The following SYT7 variants were observed in gnomAD, a reference collection of about 807,000 sequenced individuals.
SYT7 encodes synaptotagmin 7, also known as synaptotagmin-7.
SYT7 carries 29 observed loss-of-function variants against 75.1 expected under a neutral mutation model. The ratio of observed to expected loss-of-function variants is 0.39; its 90% CI spans 0.29 to 0.53. The LOEUF (loss-of-function observed/expected upper bound fraction) is 0.53, where lower values mean the gene tolerates loss of function less well. Ranked by LOEUF, SYT7 falls within the 20% of genes least tolerant of loss-of-function variation. SYT7 has a pLI of 0.77. For synonymous variants in SYT7, 376 were observed against 401.7 expected (o/e 0.94, Z 0.76); for missense variants, 693 against 953.2 (o/e 0.73, Z 3.59).
chr11:61,541,841 G>A (rs1049863251), intron 6 of SYT7, among the ~76,000 whole-genome samples: 3 of 152,160 alleles, frequency 2.0e-5, no homozygotes, highest in Admixed American at 1.3e-4. Context: ...GGAGCAGAAG[G>A]GGGAGGAGAG....
At chr11:61,520,169 TG>T (rs1422415599) in intron 12 of SYT7, among the ~76,000 whole-genome samples, 1 of 150,538 alleles carries the variant, frequency 6.6e-6, no homozygotes, top group Non-Finnish European at 1.5e-5. Context: ...GGATTAAAGG[TG>T]TGAGCCACCA....
rs762663618 is a variant in SYT7, at chr11:61,546,138, T to C, written c.465A>G (p.Arg155=). Reference sequence around the variant, plus strand: ...GCTCGCTGGGGGCAGCCCCGCCGCTTCTCAAGGCGTCCTCTCCGGGTGGCG... The same window carrying C: ...GCTCGCTGGGGGCAGCCCCGCCGCTCCTCAAGGCGTCCTCTCCGGGTGGCG... ...PVPPPGEDAL[R]SGGAAPSEPG... The change falls in exon 5 of 13, where the codon AGA becomes AGG. Residue 155 remains arginine, a synonymous_variant. Coordinates refer to ENST00000539008, the MANE Select transcript of SYT7 (RefSeq NM_001365809.2). This position sits in a 1 kb window ranked among gnomAD's most constrained non-coding sequence, Gnocchi z 7.6. 16 of 1,529,094 alleles carry C rather than the reference T, an allele frequency of 1.0e-5. No individual in the cohort carries two copies. Among genetic ancestry groups the C allele is most frequent in the African/African-American group, 1.4e-5 (1 of 72,004 alleles). 94.7% of individuals were successfully genotyped at this position (1,529,094 alleles called of 1,614,324 possible).
chr11:61,563,728 A>G (rs1377200893), intron 1 of SYT7, among the ~76,000 whole-genome samples: 3 of 152,076 alleles, frequency 2.0e-5, no homozygotes, highest in Non-Finnish European at 2.9e-5. Context: ...TTCCTTCTCT[A>G]TCTTCAAGGC....
chr11:61,541,856 C>T (rs567402514), intron 6 of SYT7, among the ~76,000 whole-genome samples: 23 of 152,032 alleles, frequency 1.5e-4, no homozygotes, highest in Admixed American at 1.4e-3. Flanking sequence ...GGAGAGAGGT[C>T]GCAGGAGTGA....
chr11:61,562,071 C>T (rs572523077), intron 1 of SYT7, among the ~76,000 whole-genome samples: 10 of 152,100 alleles, frequency 6.6e-5, no homozygotes, highest in Non-Finnish European at 1.2e-4. Context: ...CACACACGCA[C>T]GCACGTACAC....
rs1388620550 is a variant in SYT7 at position 61,524,066 on chromosome 11, G to A, written c.1642-125C>T. 5 of 856,292 alleles carry A rather than the reference G, an allele frequency of 5.8e-6. No homozygotes were observed. The East Asian group carries it at 1.2e-4, about 21-fold the overall frequency. 53.0% of individuals were successfully genotyped at this position (856,292 alleles called of 1,614,324 possible). A position where few individuals can be genotyped will look rare whatever the true frequency, so the allele number is the denominator to read the frequency against. ...ACCCATGCCCCTGTCTGTCACCTCT[G>A]TCTCACTCTGTCTCCCCCCATCTGG... On this transcript the variant is annotated intron_variant, in intron 10 of 12. Coordinates refer to ENST00000539008, the MANE Select transcript of SYT7 (RefSeq NM_001365809.2). This position sits in a 1 kb window ranked among gnomAD's most constrained non-coding sequence, Gnocchi z 4.1.
intron 1 of SYT7, among the ~76,000 whole-genome samples, chr11:61,560,565 G>A (rs1163750784): frequency 1.3e-5 from 2 of 152,120 alleles, no homozygotes; most frequent in African/African-American, 4.8e-5. Flanking sequence ...CAAAGGCAGG[G>A]TGAAACAAAC....
chr11:61,537,886 G>A (rs368882580), intron 7 of SYT7, among the ~76,000 whole-genome samples: 24 of 152,316 alleles, frequency 1.6e-4, no homozygotes, highest in East Asian at 7.7e-4. Flanking sequence ...CGCTTGCTCC[G>A]GGCCGGGGCA....
At chr11:61,518,770 C>T (rs1229669812) in intron 12 of SYT7, 39 bp from the exon 13 acceptor site, 1 of 1,437,606 alleles carries the variant, frequency 7.0e-7, no homozygotes, top group East Asian at 2.6e-5. Flanking sequence ...GGCACAGGCT[C>T]CAGGGCACTG....
At chr11:61,554,904 T>TGCCTGAAGTTCAACACCCAGGATGGAGCC in intron 2 of SYT7, among the ~76,000 whole-genome samples, 1 of 152,322 alleles carries the variant, frequency 6.6e-6, no homozygotes, top group African/African-American at 2.4e-5. Flanking sequence ...GGGTCGGAGC[T>TGCCTGAAGTTCAACACCCAGGATGGAGCC]GCCTGAAGTT....
At chr11:61,581,087 GTGTGTGTGTGTACGAGGCCGTGTGTA>G (rs1330367533), upstream of SYT7, 10 of 297,220 alleles carry the variant, frequency 3.4e-5, no homozygotes, top group Admixed American at 6.7e-5. Context: ...GCGCCGGAGC[GTGTGTGTGTGTACGAGGCCGTGTGTA>G]TGTGTGTGTG....
intron 3 of SYT7, among the ~76,000 whole-genome samples, chr11:61,547,783 C>T (rs1044263708): frequency 6.6e-6 from 1 of 152,150 alleles, no homozygotes; most frequent in African/African-American, 2.4e-5. Context: ...CTGGGCCCTA[C>T]CTCTCCTGGC....
At chr11:61,531,140 T>G (rs2062692154) in intron 8 of SYT7, 5 of 985,038 alleles carry the variant, frequency 5.1e-6, no homozygotes, top group Non-Finnish European at 6.0e-6. Context: ...GATTCTGCCC[T>G]GCTTATCTTA....
rs2063353696 is a variant in SYT7 at position 61,551,622 on chromosome 11, C to A, written c.136-159G>T. ...GGCTGTCACCGCGGTGGGGGCCAATCCCCTGGATGCCTGCTCCCCGGTTGG... is the reference window on the plus strand; with the variant it reads ...GGCTGTCACCGCGGTGGGGGCCAATACCCTGGATGCCTGCTCCCCGGTTGG... On this transcript the variant is annotated intron_variant, in intron 2 of 12. Transcript: ENST00000539008. The surrounding 1 kb of genome is among the most constrained non-coding windows in gnomAD (Gnocchi z 5.3). Among the ~76,000 whole-genome samples, 1 of 152,082 alleles carries A rather than the reference C, an allele frequency of 6.6e-6. No individual in the cohort carries two copies. The highest frequency in any genetic ancestry group is 1.5e-5 in the Non-Finnish European group (1 of 67,986).
At chr11:61,565,631 C>A (rs2063746737) in intron 1 of SYT7, among the ~76,000 whole-genome samples, 1 of 152,258 alleles carries the variant, frequency 6.6e-6, no homozygotes, top group Non-Finnish European at 1.5e-5. Context: ...GAACACCCAG[C>A]ACCTATTTCC....
At chr11:61,527,836 T>G in intron 9 of SYT7, 79 bp downstream of exon 9, 1 of 1,543,714 alleles carries the variant, frequency 6.5e-7, no homozygotes. Context: ...TCTGTGCATG[T>G]GGCCACAAGT....
chr11:61,586,498 A>C, the SYT7 span, among the ~76,000 whole-genome samples: 2 of 152,094 alleles, frequency 1.3e-5, no homozygotes, highest in Non-Finnish European at 2.9e-5. Context: ...TCTGAGCCTC[A>C]TTTTACCAGT....
intron 1 of SYT7, among the ~76,000 whole-genome samples, chr11:61,570,856 ATGTTCCCACC>A (rs2063901585): frequency 6.6e-6 from 1 of 152,182 alleles, no homozygotes; most frequent in Non-Finnish European, 1.5e-5. Flanking sequence ...CTGGGCCTTC[ATGTTCCCACC>A]TGTACCATCA....
intron 1 of SYT7, among the ~76,000 whole-genome samples, chr11:61,569,455 G>C (rs912707476): frequency 3.9e-5 from 6 of 152,158 alleles, no homozygotes; most frequent in Non-Finnish European, 8.8e-5. Context: ...AAGCTGGAAG[G>C]AGCCTGAACA....
Sources: gnomAD v4.1 joint callset for allele counts (sites outside exome capture counted in the v4.1 genomes callset) on GRCh38, gnomAD v4.1.1 for gene constraint, Gnocchi (gnomAD v3.1) non-coding constraint, MANE v1.5 for transcripts, NCBI Gene and HGNC (gene_info 2026-07-23, HGNC 2026-07-21) for gene names.